Variants in MAPK8IP3 observed in about 807,000 individuals in gnomAD.
MAPK8IP3 encodes the protein mitogen-activated protein kinase 8 interacting protein 3, also known as C-Jun-amino-terminal kinase-interacting protein 3.
Under a neutral mutation model 157.8 loss-of-function variants are expected in MAPK8IP3, and 49 were observed. The observed-to-expected ratio is 0.31, with a 90% confidence interval of 0.25 to 0.39. MAPK8IP3 has a LOEUF of 0.39. MAPK8IP3 is among the 10% of genes least tolerant of loss of function. MAPK8IP3 has a pLI of 1.00. For synonymous variants in MAPK8IP3, 897 were observed against 777.7 expected, an observed-to-expected ratio of 1.15 and a Z score of -2.55; for missense variants, 1,478 against 1,889.4, an observed-to-expected ratio of 0.78 and a Z score of 4.04.
At chr16:1,734,689 C>G (rs1466728490) in intron 4 of MAPK8IP3, among the ~76,000 whole-genome samples, 1 of 152,274 alleles carries the variant, frequency 6.6e-6, no homozygotes, top group African/African-American at 2.4e-5. Context: ...GACACCTGCT[C>G]TCTCTTCTCT....
chr16:1,724,490 T>C lies in MAPK8IP3; in HGVS notation c.319-67T>C, dbSNP rs908705405. 1 of 1,573,746 alleles carries C rather than the reference T, an allele frequency of 6.4e-7. No individual in the cohort carries two copies. Among genetic ancestry groups the C allele is most frequent in the Non-Finnish European group, 8.6e-7 (1 of 1,157,020 alleles). ...CTGGGCCCTCAAAGCCTGCGGCCCT[T>C]CAAGTGAAAGGCGGCTGCTCCACAC... On this transcript the variant is annotated intron_variant, in intron 1 of 31. Coordinates refer to ENST00000610761, the MANE Select transcript of MAPK8IP3 (RefSeq NM_001318852.2). This position sits in a 1 kb window ranked among gnomAD's most constrained non-coding sequence, Gnocchi z 4.1.
At chr16:1,768,660 G>A (rs775915724) in intron 31 of MAPK8IP3, 34 bp downstream of exon 31, 5 of 1,610,670 alleles carry the variant, frequency 3.1e-6, no homozygotes, top group South Asian at 1.1e-5. Context: ...CTGAGGTTGG[G>A]CGCGGGGGGA....
At chr16:1,729,759 G>C (rs529710307) in intron 4 of MAPK8IP3, among the ~76,000 whole-genome samples, 181 bp downstream of exon 4, 13 of 152,012 alleles carry the variant, frequency 8.6e-5, no homozygotes, top group Non-Finnish European at 1.2e-4. Flanking sequence ...GCAGGGATGT[G>C]GGGGGGCGGC....
rs1470836643 is a variant in MAPK8IP3, at chr16:1,763,793, G to A, written c.2025+10G>A. ...CGCCAAGTACAAGCAGGTGCGGGCG[G>A]GCGCTGCGGGGACCGGGCGGGGCCC... On this transcript the variant is annotated intron_variant, in intron 17 of 31. Coordinates refer to ENST00000610761, the MANE Select transcript of MAPK8IP3 (RefSeq NM_001318852.2). 2 of 1,518,346 alleles carry A rather than the reference G, an allele frequency of 1.3e-6. No homozygotes were observed. The highest frequency in any genetic ancestry group is 1.2e-5 in the South Asian group (1 of 81,302). The allele number at this position is 1,518,346 out of a possible 1,614,324, so 94.1% of individuals were successfully genotyped here. A position where few individuals can be genotyped will look rare whatever the true frequency, so the allele number is the denominator to read the frequency against.
intron 5 of MAPK8IP3, chr16:1,745,080 G>A: frequency 1.0e-6 from 1 of 985,456 alleles, no homozygotes; most frequent in Non-Finnish European, 1.2e-6. Context: ...TTGATGTTTA[G>A]GAGGTTGAGA....
chr16:1,722,255 C>T (rs1363095310), intron 1 of MAPK8IP3, among the ~76,000 whole-genome samples: 1 of 152,074 alleles, frequency 6.6e-6, no homozygotes, highest in Non-Finnish European at 1.5e-5. Context: ...CATGTGATGC[C>T]CATAACACAG....
At chr16:1,752,239 C>A (rs2041333285) in intron 8 of MAPK8IP3, 1 of 168,054 alleles carries the variant, frequency 6.0e-6, no homozygotes. Flanking sequence ...TTTCTCATAC[C>A]ACGATGGAGG....
At chr16:1,748,768 G>A (rs1445282693) in intron 8 of MAPK8IP3, 48 bp downstream of exon 8, 7 of 1,497,350 alleles carry the variant, frequency 4.7e-6, no homozygotes, top group African/African-American at 4.1e-5. Context: ...CAATGCTGGG[G>A]CTTTCTGCTG....
In MAPK8IP3 at chr16:1,744,295, TG is replaced by T. The variant is rs1250265927; in HGVS notation, c.747+822del. Reference sequence around the variant, plus strand: ...ACAGAGGCAGAGCCCTTGGGGCCTGTGGGCTGGGTTGGGCTGGTGGATGTGG... The same window carrying T: ...ACAGAGGCAGAGCCCTTGGGGCCTGTGGCTGGGTTGGGCTGGTGGATGTGG... On this transcript the variant is annotated intron_variant, in intron 5 of 31. Coordinates refer to ENST00000610761, the MANE Select transcript of MAPK8IP3 (RefSeq NM_001318852.2). 3 of 985,546 alleles carry T rather than the reference TG, an allele frequency of 3.0e-6. No individual in the cohort carries two copies. In the African/African-American group the frequency reaches 5.2e-5, roughly 17 times the overall value. 61.1% of individuals were successfully genotyped at this position (985,546 alleles called of 1,614,324 possible).
chr16:1,737,886 G>C (rs1292309952), intron 4 of MAPK8IP3, among the ~76,000 whole-genome samples: 2 of 81,840 alleles, frequency 2.4e-5, no homozygotes, highest in Non-Finnish European at 4.7e-5. Context: ...GTCCGTGTGA[G>C]CATCCGTGTG....
At chr16:1,765,247 C>T (rs2042190747) in intron 20 of MAPK8IP3, 69 bp downstream of exon 20, 6 of 1,497,296 alleles carry the variant, frequency 4.0e-6, no homozygotes, top group East Asian at 4.9e-5. Flanking sequence ...AGTAAAAGCC[C>T]TGCCACACAG....
intron 24 of MAPK8IP3, 50 bp downstream of exon 24, chr16:1,766,853 G>T (rs1276126387): frequency 6.2e-7 from 1 of 1,611,880 alleles, no homozygotes; most frequent in Non-Finnish European, 8.5e-7. Context: ...ACGGGGCGGA[G>T]GGGGCTGGCA....
chr16:1,708,067 C>T (rs1456845569), intron 1 of MAPK8IP3: 1 of 152,168 alleles, frequency 6.6e-6, no homozygotes, highest in Non-Finnish European at 1.5e-5. Context: ...TGCCCCGGTT[C>T]CAGCAAAGCT....
chr16:1,714,431 C>T (rs2038008112), intron 1 of MAPK8IP3, among the ~76,000 whole-genome samples: 2 of 146,060 alleles, frequency 1.4e-5, no homozygotes, highest in African/African-American at 5.6e-5. Context: ...AGATCCAGGG[C>T]GTGCCACGTG....
In MAPK8IP3 at chr16:1,768,663, CGGGG is replaced by C. The variant is rs757413518; in HGVS notation, c.3893-37_3893-34del. The C allele has an allele frequency of 5.6e-6, 9 of 1,610,592 alleles. No individual in the cohort carries two copies. The Admixed American group carries it at 1.5e-4, about 27-fold the overall frequency. On this transcript the variant is annotated intron_variant, in intron 31 of 31. Coordinates refer to ENST00000610761, the MANE Select transcript of MAPK8IP3 (RefSeq NM_001318852.2). ...CCAGGGACAGGGCTGAGGTTGGGCG[CGGGG>C]GGAGCCTGGCCGTCACTCTGCTGCT...
In MAPK8IP3 at chr16:1,764,462, G is replaced by A; in HGVS notation, c.2280+3G>A. On this transcript the variant is annotated splice_donor_region_variant and intron_variant, in intron 19 of 31. Coordinates refer to ENST00000610761, the MANE Select transcript of MAPK8IP3 (RefSeq NM_001318852.2). Reference sequence around the variant, plus strand: ...ACACGTCTCCCGAGAAGAAGAAGGTGAGCATGGCCGAGGCCACCGGGCACC... The same window carrying A: ...ACACGTCTCCCGAGAAGAAGAAGGTAAGCATGGCCGAGGCCACCGGGCACC... 1 of 1,607,606 alleles carries A rather than the reference G, an allele frequency of 6.2e-7. No homozygotes were observed. Among genetic ancestry groups the A allele is most frequent in the South Asian group, 1.1e-5 (1 of 90,266 alleles).
At chr16:1,767,371 G>C in intron 26 of MAPK8IP3, 74 bp downstream of exon 26, 1 of 1,590,486 alleles carries the variant, frequency 6.3e-7, no homozygotes. Flanking sequence ...TCTTCCATAC[G>C]GAAGTCCACG....
Position 1,765,870 on chromosome 16 carries a change from C to T in MAPK8IP3, c.2447-90C>T, listed in dbSNP as rs1360347590. The T allele has an allele frequency of 1.3e-5, 16 of 1,251,996 alleles. No homozygotes were observed. In the East Asian group the frequency reaches 3.3e-4, roughly 26 times the overall value. The allele number at this position is 1,251,996 out of a possible 1,614,324, so 77.6% of individuals were successfully genotyped here. ...CTGCTGGGAAAGTGGAAGGCCAGCC[C>T]CGGCTTCCTCTGCCCCTGTGTAAGT... On this transcript the variant is annotated intron_variant, in intron 20 of 31. Transcript: ENST00000610761.
At position 1,760,247 on chromosome 16, in the gene MAPK8IP3, G is replaced by A. The variant is rs2141917342; in HGVS notation, c.1305-133G>A. 2.5e-6 allele frequency: 3 copies of A among 1,196,930 alleles called. No homozygotes were observed. In the South Asian group the frequency reaches 4.4e-5, roughly 17 times the overall value. 74.1% of individuals were successfully genotyped at this position (1,196,930 alleles called of 1,614,324 possible). A position where few individuals can be genotyped will look rare whatever the true frequency, so the allele number is the denominator to read the frequency against. ...TAGGGTTTAGCTAAGATGGGGATGGGGTCTCCCATTCAGCCACCTTCCTAA... is the reference window on the plus strand; with the variant it reads ...TAGGGTTTAGCTAAGATGGGGATGGAGTCTCCCATTCAGCCACCTTCCTAA... On this transcript the variant is annotated intron_variant, in intron 11 of 31. Transcript: ENST00000610761.
Sources: allele counts gnomAD v4.1 joint callset (sites outside exome capture counted in the v4.1 genomes callset), GRCh38; gene constraint gnomAD v4.1.1; non-coding constraint Gnocchi (gnomAD v3.1); transcripts MANE v1.5; gene names NCBI Gene and HGNC (gene_info 2026-07-23, HGNC 2026-07-21).